PLA2G2C: variants seen among roughly 807,000 people sequenced by gnomAD.
PLA2G2C encodes phospholipase A2 group IIC.
PLA2G2C carries 15 observed loss-of-function variants against 14.3 expected under a neutral mutation model. The observed-to-expected ratio is 1.05, with a 90% CI of 0.70 to 1.62. PLA2G2C has a LOEUF of 1.62. PLA2G2C is among the 40% of genes most tolerant of loss of function. The pLI, the probability that PLA2G2C is intolerant of heterozygous loss-of-function variation, is 0.00. For missense variants in PLA2G2C, 162 were observed against 173.2 expected (o/e 0.94, Z 0.36); for synonymous variants, 79 against 67.7 (o/e 1.17, Z -0.82).
chr1:20,173,992 G>A (rs911760742), intron 3 of PLA2G2C, among the ~76,000 whole-genome samples: 1 of 152,094 alleles, frequency 6.6e-6, no homozygotes, highest in African/African-American at 2.4e-5. Flanking sequence ...ATTGCCTTTA[G>A]GAGGTGGTTT....
intron 4 of PLA2G2C, among the ~76,000 whole-genome samples, chr1:20,170,499 G>C (rs1043547068): frequency 6.6e-6 from 1 of 152,210 alleles, no homozygotes; most frequent in African/African-American, 2.4e-5. Context: ...CCGGCACTGG[G>C]CGGGTACCCA....
intron 1 of PLA2G2C, among the ~76,000 whole-genome samples, chr1:20,180,215 T>A (rs974460536): frequency 6.8e-6 from 1 of 147,236 alleles, no homozygotes. Context: ...GCAACATACT[T>A]TTTTTGCATC....
In PLA2G2C at chr1:20,165,810, CGT is replaced by C. The variant is rs376993718; in HGVS notation, c.284-1655_284-1654del. Among the ~76,000 whole-genome samples, 93 of 151,086 alleles carry C rather than the reference CGT, an allele frequency of 6.2e-4. No individual in the cohort carries two copies. The South Asian group carries it at 6.3e-3, about 10-fold the overall frequency. Reference sequence around the variant, plus strand: ...TGTGTGCGTGCATTGTGTGTTTGTGCGTGTGTGTGTGTGTGCGCGCGCGCATG... The same window carrying C: ...TGTGTGCGTGCATTGTGTGTTTGTGCGTGTGTGTGTGTGCGCGCGCGCATG... On this transcript the variant is annotated intron_variant, in intron 4 of 4. Coordinates refer to ENST00000679259, the MANE Select transcript of PLA2G2C (RefSeq NM_001367969.2).
At chr1:20,178,412 A>T (rs2018223663) in intron 1 of PLA2G2C, among the ~76,000 whole-genome samples, 1 of 152,216 alleles carries the variant, frequency 6.6e-6, no homozygotes, top group South Asian at 2.1e-4. Context: ...CAAAGCTTCC[A>T]AGGAAAACTT....
chr1:20,182,439 C>T lies in PLA2G2C; in HGVS notation c.-77+3921G>A, dbSNP rs548741499. On this transcript the variant is annotated intron_variant, in intron 1 of 4. Coordinates refer to ENST00000679259, the MANE Select transcript of PLA2G2C (RefSeq NM_001367969.2). The stretch of plus-strand genomic sequence containing the variant: ...GTACAGGTTTGTGGCCTAGGAGCAA[C>T]AGGCTATACCATATAACCTAGGTGT... 7.2e-5 allele frequency among the ~76,000 whole-genome samples: 11 copies of T among 152,356 alleles called. No individual in the cohort carries two copies. The South Asian group carries it at 2.1e-3, about 29-fold the overall frequency.
At chr1:20,178,758 T>C (rs1025613462) in intron 1 of PLA2G2C, among the ~76,000 whole-genome samples, 1 of 152,184 alleles carries the variant, frequency 6.6e-6, no homozygotes, top group African/African-American at 2.4e-5. Context: ...TCCGATAGAC[T>C]CTTATTAAGC....
At position 20,173,831 on chromosome 1, in the gene PLA2G2C, G is replaced by A. The variant is rs112346385; in HGVS notation, c.180-934C>T. On this transcript the variant is annotated intron_variant, in intron 3 of 4. Coordinates refer to ENST00000679259, the MANE Select transcript of PLA2G2C (RefSeq NM_001367969.2). ...TCACCATTCCCATCTGCAAGTGGGGGCTCTGCTGTTGATCAGCTTTGGCTA... is the reference window on the plus strand; with the variant it reads ...TCACCATTCCCATCTGCAAGTGGGGACTCTGCTGTTGATCAGCTTTGGCTA... 9.9e-3 allele frequency among the ~76,000 whole-genome samples: 1,502 copies of A among 152,348 alleles called. 23 individuals carry two copies. The highest frequency in any genetic ancestry group is 0.034 in the African/African-American group (1,393 of 41,568).
intron 1 of PLA2G2C, among the ~76,000 whole-genome samples, chr1:20,185,534 G>A (rs976761256): frequency 6.6e-6 from 1 of 152,188 alleles, no homozygotes; most frequent in Non-Finnish European, 1.5e-5. Context: ...CATCAAAGGA[G>A]GTGCAGATGC....
rs1385401844 is a variant in PLA2G2C, at chr1:20,170,413, T to C, written c.283+2381A>G. 3.3e-5 allele frequency among the ~76,000 whole-genome samples: 5 copies of C among 152,298 alleles called. No individual in the cohort carries two copies. In the East Asian group the frequency reaches 9.6e-4, roughly 29 times the overall value. ...TCTAAGGGCACTTTAGCTCTGGAGT[T>C]TCCACAAGACTGTGAATGCCAGAAG... On this transcript the variant is annotated intron_variant, in intron 4 of 4. Coordinates refer to ENST00000679259, the MANE Select transcript of PLA2G2C (RefSeq NM_001367969.2).
chr1:20,173,842 G>A (rs551825424), intron 3 of PLA2G2C, among the ~76,000 whole-genome samples: 1 of 152,360 alleles, frequency 6.6e-6, no homozygotes, highest in South Asian at 2.1e-4. Context: ...CTCTGCTGTT[G>A]ATCAGCTTTG....
chr1:20,166,908 G>GA lies in PLA2G2C; in HGVS notation c.284-2752dup, dbSNP rs2017988796. On this transcript the variant is annotated intron_variant, in intron 4 of 4. Transcript: ENST00000679259. ...CATGGACCGGGCCTGTCATGACCTG[G>GA]ATGATGAGACAGCCCCAGGCCAAGA... 2.0e-5 allele frequency among the ~76,000 whole-genome samples: 3 copies of GA among 152,310 alleles called. No individual in the cohort carries two copies. In the South Asian group the frequency reaches 6.2e-4, roughly 32 times the overall value.
At chr1:20,182,273 T>C (rs1334815355) in intron 1 of PLA2G2C, among the ~76,000 whole-genome samples, 1 of 152,248 alleles carries the variant, frequency 6.6e-6, no homozygotes, top group African/African-American at 2.4e-5. Context: ...AGCTGCGCTA[T>C]ATAGGCATAC....
At chr1:20,174,057 C>T (rs2018136649) in intron 3 of PLA2G2C, among the ~76,000 whole-genome samples, 2 of 152,190 alleles carry the variant, frequency 1.3e-5, no homozygotes, top group South Asian at 4.1e-4. Flanking sequence ...CTCGTGCATT[C>T]CCTGCGAGAA....
intron 1 of PLA2G2C, among the ~76,000 whole-genome samples, chr1:20,181,058 G>A (rs543166831): frequency 2.0e-5 from 3 of 152,288 alleles, no homozygotes; most frequent in Admixed American, 1.3e-4. Context: ...TACTACCCAC[G>A]ATGATGGCTA....
In PLA2G2C at chr1:20,170,948, A is replaced by G. The variant is rs1297813461; in HGVS notation, c.283+1846T>C. On this transcript the variant is annotated intron_variant, in intron 4 of 4. Transcript: ENST00000679259. ...CTGGGGCTCCAGCCTCTGCTCCTCA[A>G]CCTTTGCTCCACTCTCCCTCATCTC... Among the ~76,000 whole-genome samples, 3 of 141,112 alleles carry G rather than the reference A, an allele frequency of 2.1e-5. 1 individual carries two copies. Among genetic ancestry groups the G allele is most frequent in the African/African-American group, 8.1e-5 (3 of 36,958 alleles). The allele number at this position is 141,112 out of a possible 152,430, so 92.6% of individuals were successfully genotyped here.
intron 1 of PLA2G2C, among the ~76,000 whole-genome samples, chr1:20,184,906 C>A (rs926268218): frequency 2.0e-5 from 3 of 152,120 alleles, no homozygotes; most frequent in Non-Finnish European, 2.9e-5. Context: ...GTAATCTCAG[C>A]ACTTTGGGAG....
At chr1:20,172,262 C>T (rs1456330783) in intron 4 of PLA2G2C, among the ~76,000 whole-genome samples, 10 of 152,156 alleles carry the variant, frequency 6.6e-5, no homozygotes, top group East Asian at 1.9e-4. Context: ...GCCAGGGCCA[C>T]GCCCCATGTG....
intron 4 of PLA2G2C, among the ~76,000 whole-genome samples, chr1:20,171,980 G>C (rs2100717048): frequency 6.6e-6 from 1 of 151,606 alleles, no homozygotes; most frequent in Admixed American, 6.6e-5. Context: ...AGCCAGGATG[G>C]TCTCGATCTC....
At position 20,164,021 on chromosome 1, in the gene PLA2G2C, G is replaced by C. The variant is rs765962327; in HGVS notation, c.420C>G (p.Pro140=). 1.9e-6 allele frequency: 3 copies of C among 1,613,382 alleles called. No individual in the cohort carries two copies. The East Asian group carries it at 6.7e-5, about 36-fold the overall frequency. The part of the protein sequence containing the change: ...EKNFKQFSSQ[P]RCGRHKPWC ...ACCAGGGCTTATGTCTGCCACACCT[G>C]GGCTGGCTGGAGAACTGCTTGAAGT... The change falls in exon 5 of 5, where the codon CCC becomes CCG. Residue 140 remains proline, a synonymous_variant. Coordinates refer to ENST00000679259, the MANE Select transcript of PLA2G2C (RefSeq NM_001367969.2).
Sources: allele counts gnomAD v4.1 joint callset (sites outside exome capture counted in the v4.1 genomes callset), GRCh38; gene constraint gnomAD v4.1.1; transcripts MANE v1.5; gene names NCBI Gene and HGNC (gene_info 2026-07-23, HGNC 2026-07-21).